The following RBBP7 variants were observed in gnomAD, a reference collection of about 807,000 sequenced individuals.
RBBP7 encodes the protein RB binding protein 7, chromatin remodeling factor, also known as histone-binding protein RBBP7.
A neutral mutation model predicts 35.2 loss-of-function variants in RBBP7; 5 were observed. The ratio of observed to expected loss-of-function variants is 0.14; its 90% CI spans 0.07 to 0.30. The LOEUF (loss-of-function observed/expected upper bound fraction) is 0.30, where lower values mean the gene tolerates loss of function less well. RBBP7 is among the 10% of genes least tolerant of loss of function. RBBP7 has a pLI of 1.00. For missense variants in RBBP7, 155 were observed against 327.5 expected (o/e 0.47, Z 4.07); for synonymous variants, 140 against 118.7 (o/e 1.18, Z -1.17).
intron 4 of RBBP7, 45 bp downstream of exon 4, chrX:16,858,631 T>A (rs962765437): frequency 8.5e-7 from 1 of 1,181,643 alleles, no homozygotes; most frequent in Non-Finnish European, 1.1e-6. Flanking sequence ...CCAGTTTGAA[T>A]CAAGAAAACT....
At chrX:16,863,604 T>C (rs1930526513) in intron 2 of RBBP7, among the ~76,000 whole-genome samples, 1 of 112,534 alleles carries the variant, frequency 8.9e-6, no homozygotes, top group African/African-American at 3.2e-5. Flanking sequence ...GCTTAAATCC[T>C]GGATCAAACT....
intron 4 of RBBP7, among the ~76,000 whole-genome samples, chrX:16,858,399 C>A (rs1320756359): frequency 9.0e-6 from 1 of 111,599 alleles, no homozygotes; most frequent in Non-Finnish European, 1.9e-5. Flanking sequence ...GGGAAGGACT[C>A]AGACGCCTGT....
chrX:16,865,445 T>C (rs1930591597), intron 2 of RBBP7, among the ~76,000 whole-genome samples: 1 of 111,598 alleles, frequency 9.0e-6, no homozygotes, highest in African/African-American at 3.3e-5. Context: ...AGGAACACTG[T>C]CCCAAGACGG....
intron 6 of RBBP7, 168 bp from the exon 7 acceptor site, chrX:16,853,043 G>A (rs1930247602): frequency 2.7e-6 from 2 of 742,630 alleles, no homozygotes; most frequent in Non-Finnish European, 3.8e-6. Flanking sequence ...TGATACATTC[G>A]AAACCTACAG....
In RBBP7 at chrX:16,858,664, A is replaced by G. The variant is rs895678778; in HGVS notation, c.481+12T>C. The G allele has an allele frequency of 1.7e-5, 21 of 1,206,177 alleles. No individual in the cohort carries two copies. Among genetic ancestry groups the G allele is most frequent in the Non-Finnish European group, 2.1e-5 (19 of 892,854 alleles). On this transcript the variant is annotated intron_variant, in intron 4 of 11. Coordinates refer to ENST00000380087, the MANE Select transcript of RBBP7 (RefSeq NM_002893.4). Reference sequence around the variant, plus strand: ...ACTGCTCAAGTAATGACCTAACTCTATTATTACATACCTGGTTTAGCAGGG... The same window carrying G: ...ACTGCTCAAGTAATGACCTAACTCTGTTATTACATACCTGGTTTAGCAGGG...
At chrX:16,857,514 T>C (rs1602421006) in intron 5 of RBBP7, 80 bp downstream of exon 5, 5 of 1,171,883 alleles carry the variant, frequency 4.3e-6, no homozygotes, top group Non-Finnish European at 4.6e-6. Flanking sequence ...AAACCTTTCA[T>C]CTATATAGTA....
chrX:16,855,629 TTCAAA>T (rs2147519527), intron 5 of RBBP7, among the ~76,000 whole-genome samples: 1 of 110,920 alleles, frequency 9.0e-6, no homozygotes, highest in South Asian at 3.8e-4. Flanking sequence ...GCCTGGTCTC[TTCAAA>T]AGGTACTAGT....
rs748332152 is a variant in RBBP7, at chrX:16,852,093, A to G, written c.993T>C (p.Ile331=). 4 of 1,206,857 alleles carry G rather than the reference A, an allele frequency of 3.3e-6. No homozygotes were observed. The Admixed American group carries it at 8.7e-5, about 26-fold the overall frequency. The change falls in exon 9 of 12, where the codon ATT becomes ATC. Residue 331 remains isoleucine (I), a synonymous_variant. Coordinates refer to ENST00000380087, the MANE Select transcript of RBBP7 (RefSeq NM_002893.4). ...GGCGGTCAGTACCACTTGAAGCCAG[A>G]ATAGTTTCATTATGTGGAGACCAGT... ...QVHWSPHNET[I]LASSGTDRRL...
chrX:16,870,329 A>G lies in RBBP7; in HGVS notation c.-276T>C, dbSNP rs940229568. 81 of 190,829 alleles carry G rather than the reference A, an allele frequency of 4.2e-4. No individual in the cohort carries two copies. Among genetic ancestry groups the G allele is most frequent in the African/African-American group, 2.4e-3 (78 of 33,082 alleles). 15.7% of individuals were successfully genotyped at this position (190,829 alleles called of 1,213,427 possible). On this transcript the variant is annotated 5_prime_UTR_variant, in exon 1 of 12. Coordinates refer to ENST00000380087, the MANE Select transcript of RBBP7 (RefSeq NM_002893.4). The stretch of plus-strand genomic sequence containing the variant: ...CCCGCGCCTCCCAGCCCGCCCAGGC[A>G]GCTGAGCGCAGGCGCATCCGCCCTG...
At chrX:16,847,396 G>T (rs938373714) in intron 10 of RBBP7, 11 of 107,547 alleles carry the variant, frequency 1.0e-4, no homozygotes, top group African/African-American at 3.7e-4. Flanking sequence ...ACTTGAACCC[G>T]GGAGGCAGAG....
At chrX:16,869,969 C>T in intron 1 of RBBP7, 69 bp downstream of exon 1, 1 of 751,911 alleles carries the variant, frequency 1.3e-6, no homozygotes, top group Non-Finnish European at 1.6e-6. Context: ...TTCGCCGGCG[C>T]GTGCCGCGGC....
chrX:16,869,065 G>C lies in RBBP7; in HGVS notation c.161+11C>G. 1 of 1,187,534 alleles carries C rather than the reference G, an allele frequency of 8.4e-7. No homozygotes were observed. The highest frequency in any genetic ancestry group is 1.1e-6 in the Non-Finnish European group (1 of 888,598). On this transcript the variant is annotated intron_variant, in intron 2 of 11. Coordinates refer to ENST00000380087, the MANE Select transcript of RBBP7 (RefSeq NM_002893.4). ...AATTTAAACAAAATAAAAGTTGCCA[G>C]AAACCCTTACTTAGTCACTTCAGGA...
In RBBP7 at chrX:16,867,352, C is replaced by A. The variant is rs1039582911; in HGVS notation, c.161+1724G>T. On this transcript the variant is annotated intron_variant, in intron 2 of 11. Coordinates refer to ENST00000380087, the MANE Select transcript of RBBP7 (RefSeq NM_002893.4). ...TTATGTTACAGTGGGTCAAAAAGAT[C>A]CCCCAAAAGGTAAATTTAGTTAATA... Among the ~76,000 whole-genome samples the A allele has an allele frequency of 9.8e-5, 11 of 112,133 alleles. 1 individual carries two copies. The highest frequency in any genetic ancestry group is 1.7e-4 in the Non-Finnish European group (9 of 53,260).
intron 2 of RBBP7, among the ~76,000 whole-genome samples, chrX:16,863,331 C>A (rs1930520811): frequency 9.0e-6 from 1 of 111,713 alleles, no homozygotes; most frequent in African/African-American, 3.3e-5. Context: ...TCCCAAAGAG[C>A]CATCCTCCTG....
intron 3 of RBBP7, among the ~76,000 whole-genome samples, chrX:16,862,346 G>GA (rs1158006232): frequency 9.0e-6 from 1 of 110,877 alleles, no homozygotes; most frequent in African/African-American, 3.3e-5. Context: ...ATTAAAAAAA[G>GA]AAAAAAGCAG....
At chrX:16,866,682 G>T (rs983629330) in intron 2 of RBBP7, among the ~76,000 whole-genome samples, 1 of 110,814 alleles carries the variant, frequency 9.0e-6, no homozygotes, top group Non-Finnish European at 1.9e-5. Flanking sequence ...GAAGCATGTT[G>T]TAAGTCAGCA....
intron 6 of RBBP7, 53 bp from the exon 7 acceptor site, chrX:16,852,928 C>T (rs967609655): frequency 1.4e-5 from 17 of 1,203,865 alleles, no homozygotes; most frequent in Middle Eastern, 3.0e-4. Context: ...CACTCACATT[C>T]GGCCTCACAT....
chrX:16,853,892 ATT>A (rs11305571), intron 5 of RBBP7, 50 bp from the exon 6 acceptor site: 8,721 of 744,495 alleles, frequency 0.012, no homozygotes, highest in East Asian at 0.067. Flanking sequence ...TAAGAGACTG[ATT>A]TTTTTTTTTT....
chrX:16,868,070 C>T (rs1250405959), intron 2 of RBBP7, among the ~76,000 whole-genome samples: 2 of 111,536 alleles, frequency 1.8e-5, no homozygotes, highest in Non-Finnish European at 3.8e-5. Flanking sequence ...ATTATATGTC[C>T]GCAACACCCA....
Sources: gnomAD v4.1 joint callset for allele counts (sites outside exome capture counted in the v4.1 genomes callset) on GRCh38, gnomAD v4.1.1 for gene constraint, MANE v1.5 for transcripts, NCBI Gene and HGNC (gene_info 2026-07-23, HGNC 2026-07-21) for gene names.